STAT4: variants seen among roughly 807,000 people sequenced by gnomAD.
STAT4 encodes the protein signal transducer and activator of transcription 4.
A neutral mutation model predicts 110.5 loss-of-function variants in STAT4; 42 were observed. The observed-to-expected ratio is 0.38, with a 90% CI of 0.30 to 0.49. The LOEUF (loss-of-function observed/expected upper bound fraction) is 0.49, where lower values mean the gene tolerates loss of function less well. Ranked by LOEUF, STAT4 falls within the 20% of genes least tolerant of loss-of-function variation. STAT4 has a pLI of 0.95. For missense variants in STAT4, 632 were observed against 887.9 expected, an observed-to-expected ratio of 0.71 and a Z score of 3.66; for synonymous variants, 284 against 302.2, an observed-to-expected ratio of 0.94 and a Z score of 0.63.
At position 191,031,740 on chromosome 2, in the gene STAT4, G is replaced by A. The variant is rs1395443422; in HGVS notation, c.2045-224C>T. Among the ~76,000 whole-genome samples, 1 of 152,158 alleles carries A rather than the reference G, an allele frequency of 6.6e-6. No homozygotes were observed. Among genetic ancestry groups the A allele is most frequent in the Non-Finnish European group, 1.5e-5 (1 of 68,034 alleles). The stretch of plus-strand genomic sequence containing the variant: ...ACAAATCTCTTGGCAGGCCTAATCT[G>A]ACTTTACATATTAATGCCTCTAAAC... On this transcript the variant is annotated intron_variant, in intron 21 of 23. Transcript: ENST00000392320. This position sits in a 1 kb window ranked among gnomAD's most constrained non-coding sequence, Gnocchi z 4.8.
intron 3 of STAT4, among the ~76,000 whole-genome samples, chr2:191,128,132 T>C (rs970740892): frequency 9.2e-5 from 14 of 152,232 alleles, no homozygotes; most frequent in African/African-American, 3.4e-4. Flanking sequence ...GATATTGACA[T>C]CATGGTATTA....
chr2:191,108,549 A>G (rs887058521), intron 3 of STAT4, among the ~76,000 whole-genome samples: 5 of 152,156 alleles, frequency 3.3e-5, no homozygotes, highest in Non-Finnish European at 7.3e-5. Flanking sequence ...GTGGTGGGGG[A>G]AGAAGAAAAG....
In STAT4 at chr2:191,058,652, T is replaced by C; in HGVS notation, c.1094+58A>G. The stretch of plus-strand genomic sequence containing the variant: ...AATTATTCTATAAAATAAAGGCCAT[T>C]CATTTTTAAAAGTCTTACATTTGGA... On this transcript the variant is annotated intron_variant, in intron 11 of 23. Coordinates refer to ENST00000392320, the MANE Select transcript of STAT4 (RefSeq NM_003151.4). This position sits in a 1 kb window ranked among gnomAD's most constrained non-coding sequence, Gnocchi z 4.3. The C allele has an allele frequency of 9.8e-7, 1 of 1,024,768 alleles. No homozygotes were observed. The highest frequency in any genetic ancestry group is 1.5e-6 in the Non-Finnish European group (1 of 675,160). The allele number at this position is 1,024,768 out of a possible 1,614,324, so 63.5% of individuals were successfully genotyped here. A position where few individuals can be genotyped will look rare whatever the true frequency, so the allele number is the denominator to read the frequency against.
chr2:191,127,595 A>G (rs949825814), intron 3 of STAT4, among the ~76,000 whole-genome samples: 2 of 152,236 alleles, frequency 1.3e-5, no homozygotes, highest in Admixed American at 6.5e-5. Context: ...TTTGCCAGTC[A>G]ACACTATCCT....
At chr2:191,087,170 T>C (rs1697656821) in intron 3 of STAT4, among the ~76,000 whole-genome samples, 1 of 152,162 alleles carries the variant, frequency 6.6e-6, no homozygotes, top group Admixed American at 6.5e-5. Flanking sequence ...AGGACTAATA[T>C]AGTGATGAAA....
intron 4 of STAT4, among the ~76,000 whole-genome samples, chr2:191,075,116 C>T (rs573425572): frequency 3.9e-5 from 6 of 152,126 alleles, no homozygotes; most frequent in African/African-American, 9.6e-5. Context: ...GCCGAGATCA[C>T]GCCACTGTAC....
rs1278912677 is a variant in STAT4 at position 191,147,157 on chromosome 2, A to G, written c.129-400T>C. On this transcript the variant is annotated intron_variant, in intron 2 of 23. Transcript: ENST00000392320. This position sits in a 1 kb window ranked among gnomAD's most constrained non-coding sequence, Gnocchi z 4.1. The stretch of plus-strand genomic sequence containing the variant: ...CCAGCAATTCCACATCTGGATATAT[A>G]CCCAAAAGAATTAAAAGCAGGGACT... 1.3e-5 allele frequency among the ~76,000 whole-genome samples: 2 copies of G among 152,202 alleles called. No individual in the cohort carries two copies. Among genetic ancestry groups the G allele is most frequent in the Non-Finnish European group, 2.9e-5 (2 of 68,018 alleles).
chr2:191,084,013 C>CA (rs1167003258), intron 3 of STAT4, among the ~76,000 whole-genome samples: 1 of 152,064 alleles, frequency 6.6e-6, no homozygotes, highest in Non-Finnish European at 1.5e-5. Context: ...CCTGTAATTC[C>CA]AGCACTTTGG....
upstream of STAT4, chr2:191,151,250 G>C: frequency 1.0e-6 from 1 of 985,596 alleles, no homozygotes; most frequent in Non-Finnish European, 1.2e-6. The surrounding 1 kb of genome is among the most constrained non-coding windows in gnomAD (Gnocchi z 4.7). Flanking sequence ...GCTCAGCAGT[G>C]CCAGGAAAAA....
intron 3 of STAT4, among the ~76,000 whole-genome samples, chr2:191,130,567 C>G (rs1699009457): frequency 6.6e-6 from 1 of 151,640 alleles, no homozygotes; most frequent in Non-Finnish European, 1.5e-5. Flanking sequence ...TCCTCTGTTA[C>G]TTTTAGAATA....
Position 191,039,283 on chromosome 2 carries a change from A to G in STAT4, c.1350T>C (p.Pro450=). ...LTIDLETSSL[P]VVMISNVSQL... is the part of the protein sequence containing the mutation. ...GACTGACATTGGAAATCATCACCAC[A>G]GGCAATGAGCTGGTCTGGTTTGGGG... is the stretch of plus-strand genomic sequence containing the variant. The change falls in exon 16 of 24, where the codon CCT becomes CCC. Residue 450 remains proline, a synonymous_variant. Transcript: ENST00000392320. The surrounding 1 kb of genome is among the most constrained non-coding windows in gnomAD (Gnocchi z 4.7). 2 of 1,614,170 alleles carry G rather than the reference A, an allele frequency of 1.2e-6. No homozygotes were observed. Among genetic ancestry groups the G allele is most frequent in the Non-Finnish European group, 1.7e-6 (2 of 1,179,982 alleles).
intron 1 of STAT4, among the ~76,000 whole-genome samples, chr2:191,148,667 T>C (rs901144543): frequency 6.6e-6 from 1 of 152,244 alleles, no homozygotes; most frequent in African/African-American, 2.4e-5. Flanking sequence ...TATATGAAAT[T>C]GCCAAATTTC....
At chr2:191,036,139 A>G (rs774286784) in intron 17 of STAT4, 25 bp downstream of exon 17, 1 of 1,607,462 alleles carries the variant, frequency 6.2e-7, no homozygotes, top group Non-Finnish European at 8.5e-7. Flanking sequence ...ACAGAGGCAA[A>G]TCCTCTCTAT....
chr2:191,094,616 G>C (rs1697908071), intron 3 of STAT4, among the ~76,000 whole-genome samples: 1 of 152,090 alleles, frequency 6.6e-6, no homozygotes, highest in Non-Finnish European at 1.5e-5. Context: ...GGAACAACCG[G>C]TACCAGCCAA....
chr2:191,050,473 CTTAAAG>C lies in STAT4; in HGVS notation c.1251+4011_1251+4016del, dbSNP rs1023847183. 1.3e-5 allele frequency among the ~76,000 whole-genome samples: 2 copies of C among 152,136 alleles called. No homozygotes were observed. Among genetic ancestry groups the C allele is most frequent in the Admixed American group, 1.3e-4 (2 of 15,270 alleles). On this transcript the variant is annotated intron_variant, in intron 14 of 23. Transcript: ENST00000392320. This position sits in a 1 kb window ranked among gnomAD's most constrained non-coding sequence, Gnocchi z 4.3. ...ATGTTGTGAAATTCCAAAGCAAATT[CTTAAAG>C]TTAAATTCATTTTTAAAAATCTAAA...
Position 191,135,059 on chromosome 2 carries a change from G to C in STAT4, c.273+11554C>G, listed in dbSNP as rs1167220261. ...TTAGTGGAAGGAAAGAATTAATAAA[G>C]ATCAGAGCAGAATAAAATGGAGACT... On this transcript the variant is annotated intron_variant, in intron 3 of 23. Transcript: ENST00000392320. This position sits in a 1 kb window ranked among gnomAD's most constrained non-coding sequence, Gnocchi z 4.8. 2.6e-5 allele frequency among the ~76,000 whole-genome samples: 4 copies of C among 151,710 alleles called. No individual in the cohort carries two copies. The highest frequency in any genetic ancestry group is 4.4e-5 in the Non-Finnish European group (3 of 67,892).
chr2:191,145,625 G>T (rs1010830308), intron 3 of STAT4, among the ~76,000 whole-genome samples: 1 of 152,114 alleles, frequency 6.6e-6, no homozygotes, highest in Non-Finnish European at 1.5e-5. Flanking sequence ...ATAGCTCAGC[G>T]CAATCCAAAC....
chr2:191,034,422 C>CAAAA, intron 18 of STAT4, 126 bp downstream of exon 18: 10 of 511,612 alleles, frequency 2.0e-5, no homozygotes, highest in Admixed American at 7.9e-5. Context: ...GACTCTATCT[C>CAAAA]AAAAAAAAAA....
At position 191,107,550 on chromosome 2, in the gene STAT4, A is replaced by G. The variant is rs1698314825; in HGVS notation, c.274-31225T>C. ...GTAACTTGCCCAAAATCATGTTGCT[A>G]ATAAATCTGAGGCAGGGTTTTAACC... On this transcript the variant is annotated intron_variant, in intron 3 of 23. Coordinates refer to ENST00000392320, the MANE Select transcript of STAT4 (RefSeq NM_003151.4). This position sits in a 1 kb window ranked among gnomAD's most constrained non-coding sequence, Gnocchi z 4.2. 6.6e-6 allele frequency among the ~76,000 whole-genome samples: 1 copy of G among 152,190 alleles called. No individual in the cohort carries two copies. Among genetic ancestry groups the G allele is most frequent in the South Asian group, 2.1e-4 (1 of 4,830 alleles).
Sources: allele counts gnomAD v4.1 joint callset (sites outside exome capture counted in the v4.1 genomes callset), GRCh38; gene constraint gnomAD v4.1.1; non-coding constraint Gnocchi (gnomAD v3.1); transcripts MANE v1.5; gene names NCBI Gene and HGNC (gene_info 2026-07-23, HGNC 2026-07-21).